The following LGR5 variants were observed in gnomAD, a reference collection of about 807,000 sequenced individuals.
The protein encoded by LGR5 is leucine-rich repeat-containing G protein-coupled receptor 5.
LGR5 carries 54 observed loss-of-function variants against 76.7 expected under a neutral mutation model. That is an observed-to-expected ratio of 0.70 (90% CI 0.57 to 0.88). The LOEUF is 0.88. Among genes scored for constraint, LGR5 ranks in the 40% least tolerant of loss-of-function variants. LGR5 has a pLI of 0.00. For missense variants in LGR5, 1,078 were observed against 1,073.3 expected (o/e 1.00, Z -0.06); for synonymous variants, 406 against 421.9 (o/e 0.96, Z 0.46).
At chr12:71,583,477 C>A in intron 17 of LGR5, 170 bp from the exon 18 acceptor site, 1 of 715,492 alleles carries the variant, frequency 1.4e-6, no homozygotes, top group Non-Finnish European at 2.3e-6. Flanking sequence ...GCAGAAGATC[C>A]AGGGTGACAG....
chr12:71,463,515 G>A (rs1404186667), intron 1 of LGR5, among the ~76,000 whole-genome samples: 1 of 152,160 alleles, frequency 6.6e-6, no homozygotes, highest in Non-Finnish European at 1.5e-5. Context: ...AGTACTCACT[G>A]TAGAGGATAA....
chr12:71,529,956 CAA>C (rs34678480), intron 3 of LGR5, among the ~76,000 whole-genome samples: 39 of 91,358 alleles, frequency 4.3e-4, no homozygotes, highest in African/African-American at 2.5e-4. Flanking sequence ...ATTCTGTCTC[CAA>C]AAAAAAAAAA....
At chr12:71,473,563 C>T (rs545943597) in intron 1 of LGR5, among the ~76,000 whole-genome samples, 15 of 151,848 alleles carry the variant, frequency 9.9e-5, no homozygotes, top group South Asian at 4.1e-4. Context: ...CCCTTGAACT[C>T]GGGAGTTCAA....
intron 3 of LGR5, among the ~76,000 whole-genome samples, chr12:71,534,399 A>T (rs990439966): frequency 6.6e-6 from 1 of 152,246 alleles, no homozygotes; most frequent in Non-Finnish European, 1.5e-5. Context: ...AAAAGAATTT[A>T]GCTTATATCA....
rs552123859 is a variant in LGR5, at chr12:71,583,695, T to C, written c.1685T>C (p.Ile562Thr). The change falls in exon 18 of 18, where the codon ATT becomes ACT. Residue 562 changes from isoleucine to threonine, a missense_variant. Coordinates refer to ENST00000266674, the MANE Select transcript of LGR5 (RefSeq NM_003667.4). ...CTGCTTGATGGCTGGCTGATCAGAA[T>C]TGGAGTGTGGACCATAGCAGTTCTG... The part of the protein sequence containing the change: ...EHLLDGWLIR[I>T]GVWTIAVLAL... 1.2e-5 allele frequency: 19 copies of C among 1,614,182 alleles called. No homozygotes were observed. In the African/African-American group the frequency reaches 2.1e-4, roughly 18 times the overall value.
intron 16 of LGR5, 114 bp from the exon 17 acceptor site, chr12:71,582,342 C>A: frequency 1.2e-6 from 1 of 819,520 alleles, no homozygotes; most frequent in Non-Finnish European, 2.0e-6. Context: ...AGCTAGAGCA[C>A]AAGGAATTTG....
At chr12:71,464,577 T>G (rs1872790065) in intron 1 of LGR5, among the ~76,000 whole-genome samples, 1 of 151,988 alleles carries the variant, frequency 6.6e-6, no homozygotes, top group East Asian at 1.9e-4. Flanking sequence ...GACAAAAAAA[T>G]GAACTGAGTT....
chr12:71,575,165 T>C (rs558174411), intron 13 of LGR5, among the ~76,000 whole-genome samples: 2 of 152,276 alleles, frequency 1.3e-5, no homozygotes, highest in South Asian at 2.1e-4. Flanking sequence ...AAGGTAATGA[T>C]AATACCTACC....
intron 1 of LGR5, among the ~76,000 whole-genome samples, chr12:71,445,318 G>A (rs1228713632): frequency 6.6e-6 from 1 of 152,116 alleles, no homozygotes; most frequent in African/African-American, 2.4e-5. Context: ...GCCACAACTG[G>A]TATATTACAA....
At chr12:71,536,179 A>T (rs1423535602) in intron 4 of LGR5, among the ~76,000 whole-genome samples, 1 of 152,250 alleles carries the variant, frequency 6.6e-6, no homozygotes, top group Admixed American at 6.5e-5. Context: ...TTAAAAGGGC[A>T]AATAAATATT....
intron 3 of LGR5, among the ~76,000 whole-genome samples, chr12:71,528,781 T>C (rs1876149730): frequency 6.6e-6 from 1 of 152,236 alleles, no homozygotes; most frequent in African/African-American, 2.4e-5. Flanking sequence ...TTTTACTGCC[T>C]AGCAAAGTCT....
In LGR5 at chr12:71,561,836, C is replaced by T. The variant is rs1336833219; in HGVS notation, c.841C>T (p.Pro281Ser). The T allele has an allele frequency of 1.3e-6, 2 of 1,599,352 alleles. No individual in the cohort carries two copies. Among genetic ancestry groups the T allele is most frequent in the Non-Finnish European group, 1.7e-6 (2 of 1,168,404 alleles). ...ACCTGAGAAAGCATTTGTAGGCAAC[C>T]CTTCTCTTATTACAATGTAAGTGAC... ...SIPEKAFVGN[P>S]SLITIHFYDN... Residue 281 changes from proline to serine, a missense_variant, in exon 8 of 18, where the codon CCT becomes TCT. Physicochemically the swap from Pro to Ser is moderately conservative, Grantham distance 74. Transcript: ENST00000266674.
At chr12:71,578,988 A>G (rs1878980395) in intron 15 of LGR5, 59 bp downstream of exon 15, 1 of 1,454,624 alleles carries the variant, frequency 6.9e-7, no homozygotes, top group South Asian at 1.4e-5. Flanking sequence ...TAATAGATGT[A>G]TTATAGTGGT....
At chr12:71,537,108 G>A (rs1876630066) in intron 4 of LGR5, among the ~76,000 whole-genome samples, 1 of 151,124 alleles carries the variant, frequency 6.6e-6, no homozygotes, top group South Asian at 2.1e-4. Flanking sequence ...GTTGAATGTT[G>A]ACAATGTGTG....
At chr12:71,446,803 C>T (rs1311648702) in intron 1 of LGR5, among the ~76,000 whole-genome samples, 1 of 152,098 alleles carries the variant, frequency 6.6e-6, no homozygotes, top group African/African-American at 2.4e-5. Flanking sequence ...ATAATGTGAG[C>T]ATTACATTAT....
intron 1 of LGR5, among the ~76,000 whole-genome samples, chr12:71,470,924 A>T (rs1217143633): frequency 2.0e-5 from 3 of 152,158 alleles, no homozygotes. Context: ...CCTTGTCTGA[A>T]GTATGCTCCC....
intron 1 of LGR5, among the ~76,000 whole-genome samples, chr12:71,479,309 A>T (rs1210916014): frequency 1.3e-5 from 2 of 152,154 alleles, no homozygotes; most frequent in South Asian, 2.1e-4. Flanking sequence ...ATCCTCCCAA[A>T]CCTACAAAAA....
intron 1 of LGR5, among the ~76,000 whole-genome samples, chr12:71,442,881 A>G (rs1050682545): frequency 6.6e-6 from 1 of 152,218 alleles, no homozygotes; most frequent in African/African-American, 2.4e-5. Flanking sequence ...TATGTGTTCT[A>G]CTGATTTTCT....
chr12:71,562,306 T>C, intron 8 of LGR5, among the ~76,000 whole-genome samples: 1 of 152,226 alleles, frequency 6.6e-6, no homozygotes, highest in East Asian at 1.9e-4. Flanking sequence ...TAAGCCTCTA[T>C]CTCCATTCAT....
Sources: gnomAD v4.1 joint callset for allele counts (sites outside exome capture counted in the v4.1 genomes callset) on GRCh38, gnomAD v4.1.1 for gene constraint, MANE v1.5 for transcripts, NCBI Gene and HGNC (gene_info 2026-07-23, HGNC 2026-07-21) for gene names.